The following CDH12 variants were observed in gnomAD, a reference collection of about 807,000 sequenced individuals.
The protein encoded by CDH12 is cadherin 12, also known as cadherin-12.
A neutral mutation model predicts 74.1 loss-of-function variants in CDH12; 41 were observed. That is an observed-to-expected ratio of 0.55 (90% CI 0.43 to 0.72). CDH12 has a LOEUF of 0.72. Ranked by LOEUF, CDH12 falls within the 30% of genes least tolerant of loss-of-function variation. The probability of loss-of-function intolerance (pLI) is 0.00; values close to 1 mark genes in which losing one functional copy is unlikely to be tolerated. For synonymous variants in CDH12, 399 were observed against 355.0 expected (o/e 1.12, Z -1.39); for missense variants, 945 against 977.2 (o/e 0.97, Z 0.44).
intron 2 of CDH12, among the ~76,000 whole-genome samples, chr5:22,432,562 CGT>C (rs138983932): frequency 1.2e-4 from 18 of 149,286 alleles, no homozygotes; most frequent in African/African-American, 1.7e-4. Context: ...TGTGTGTGTG[CGT>C]GTGTGTGTGT....
At chr5:21,818,161 A>G (rs1029009643) in intron 8 of CDH12, among the ~76,000 whole-genome samples, 2 of 152,038 alleles carry the variant, frequency 1.3e-5, no homozygotes, top group Non-Finnish European at 2.9e-5. Flanking sequence ...TAAAGTTTCC[A>G]TTTTGATACT....
intron 1 of CDH12, among the ~76,000 whole-genome samples, chr5:22,664,745 T>C (rs1740525094): frequency 6.6e-6 from 1 of 152,178 alleles, no homozygotes; most frequent in African/African-American, 2.4e-5. Flanking sequence ...GAAAATCAAG[T>C]AACGGACAGG....
At chr5:22,484,294 C>G (rs937873576) in intron 2 of CDH12, among the ~76,000 whole-genome samples, 1 of 152,096 alleles carries the variant, frequency 6.6e-6, no homozygotes, top group Non-Finnish European at 1.5e-5. Flanking sequence ...TGAGGGATTT[C>G]ACGGGTAGGT....
At chr5:22,524,848 A>C (rs952161773) in intron 1 of CDH12, among the ~76,000 whole-genome samples, 2 of 151,690 alleles carry the variant, frequency 1.3e-5, no homozygotes, top group African/African-American at 4.8e-5. Flanking sequence ...TTTAGGGTAC[A>C]TGTGCACAAC....
At chr5:22,184,468 T>C (rs187008430) in intron 4 of CDH12, among the ~76,000 whole-genome samples, 12 of 152,286 alleles carry the variant, frequency 7.9e-5, no homozygotes, top group Admixed American at 7.8e-4. Flanking sequence ...TCTTCATCCA[T>C]TCCTCAACAA....
chr5:21,966,838 A>T (rs1214861768), intron 6 of CDH12, among the ~76,000 whole-genome samples: 1 of 152,024 alleles, frequency 6.6e-6, no homozygotes, highest in East Asian at 1.9e-4. Flanking sequence ...TAAGTCCTGG[A>T]TAGACCTTTA....
chr5:22,770,973 C>T lies in CDH12; in HGVS notation c.-523+82085G>A, dbSNP rs559889176. ...GTTGCAAAATGCATACACTGTACCA[C>T]GCTAAGTTATAATGTTTATCAAAAA... is the stretch of plus-strand genomic sequence containing the variant. On this transcript the variant is annotated intron_variant, in intron 1 of 14. Coordinates refer to ENST00000382254, the MANE Select transcript of CDH12 (RefSeq NM_004061.5). Among the ~76,000 whole-genome samples the T allele has an allele frequency of 1.6e-4, 25 of 152,032 alleles. No homozygotes were observed. In the South Asian group the frequency reaches 2.1e-3, roughly 13 times the overall value.
intron 3 of CDH12, among the ~76,000 whole-genome samples, chr5:22,271,885 G>T (rs184727756): frequency 2.0e-5 from 3 of 151,952 alleles, no homozygotes; most frequent in Non-Finnish European, 4.4e-5. Context: ...AGATTTTGTT[G>T]TTCCATTTAG....
At chr5:21,890,658 C>T (rs1752854483) in intron 6 of CDH12, among the ~76,000 whole-genome samples, 1 of 152,006 alleles carries the variant, frequency 6.6e-6, no homozygotes, top group Admixed American at 6.6e-5. Context: ...CATTAAAGCA[C>T]AATTTTAGAG....
At chr5:22,008,188 G>A (rs894648392) in intron 5 of CDH12, among the ~76,000 whole-genome samples, 2 of 151,756 alleles carry the variant, frequency 1.3e-5, no homozygotes, top group African/African-American at 4.8e-5. Flanking sequence ...GAGGAGATGA[G>A]TTACTTATAA....
chr5:21,814,760 C>A (rs1048633939), intron 9 of CDH12, among the ~76,000 whole-genome samples: 1 of 150,394 alleles, frequency 6.6e-6, no homozygotes, highest in East Asian at 1.9e-4. Context: ...AATATTATGA[C>A]TTCTTAATTT....
chr5:22,334,077 A>T (rs973809694), intron 3 of CDH12, among the ~76,000 whole-genome samples: 1 of 152,174 alleles, frequency 6.6e-6, no homozygotes, highest in Non-Finnish European at 1.5e-5. Context: ...CATGACAAAG[A>T]TCCCCACAGT....
rs1736378841 is a variant in CDH12, at chr5:21,997,655, TTA to T, written c.232-22272_232-22271del. ...AGAGATGCCATGAATATAACTGAAA[TTA>T]TATCACTTAAATATAGACAGAAGAT... On this transcript the variant is annotated intron_variant, in intron 5 of 14. Coordinates refer to ENST00000382254, the MANE Select transcript of CDH12 (RefSeq NM_004061.5). Among the ~76,000 whole-genome samples, 6 of 152,120 alleles carry T rather than the reference TTA, an allele frequency of 3.9e-5. No individual in the cohort carries two copies. In the South Asian group the frequency reaches 1.0e-3, roughly 26 times the overall value.
chr5:22,504,772 C>T (rs1172789324), intron 2 of CDH12, among the ~76,000 whole-genome samples: 1 of 152,048 alleles, frequency 6.6e-6, no homozygotes. Context: ...TATCAATATT[C>T]GTAAAGAAGA....
intron 1 of CDH12, among the ~76,000 whole-genome samples, chr5:22,802,074 TTGTC>T (rs1748557679): frequency 6.6e-6 from 1 of 152,054 alleles, no homozygotes; most frequent in Non-Finnish European, 1.5e-5. Flanking sequence ...GATGCTCTCT[TTGTC>T]TATGTCTAAT....
intron 5 of CDH12, among the ~76,000 whole-genome samples, chr5:22,027,904 T>G (rs1176373542): frequency 3.3e-5 from 5 of 152,050 alleles, no homozygotes; most frequent in Admixed American, 6.6e-5. Context: ...TAATTGTGAT[T>G]TTAGGGTGTC....
chr5:21,916,344 G>C (rs571236848), intron 6 of CDH12, among the ~76,000 whole-genome samples: 1 of 152,190 alleles, frequency 6.6e-6, no homozygotes, highest in Admixed American at 6.5e-5. Flanking sequence ...GACTCAGAAA[G>C]GTCAAAATTA....
chr5:21,925,382 A>G (rs1754541690), intron 6 of CDH12, among the ~76,000 whole-genome samples: 1 of 152,210 alleles, frequency 6.6e-6, no homozygotes. Flanking sequence ...ATAAACCTCT[A>G]ATTATAACTG....
intron 1 of CDH12, among the ~76,000 whole-genome samples, chr5:22,829,189 A>G (rs750509448): frequency 2.6e-5 from 4 of 152,182 alleles, no homozygotes; most frequent in Non-Finnish European, 5.9e-5. Flanking sequence ...TTTAATTCAG[A>G]CATGAGTAGA....
Sources: allele counts gnomAD v4.1 joint callset (sites outside exome capture counted in the v4.1 genomes callset), GRCh38; gene constraint gnomAD v4.1.1; transcripts MANE v1.5; gene names NCBI Gene and HGNC (gene_info 2026-07-23, HGNC 2026-07-21).